ALK: variants seen among roughly 807,000 people sequenced by gnomAD.
The protein encoded by ALK is ALK tyrosine kinase receptor.
In ALK, 74 loss-of-function variants were observed where a neutral mutation model predicts 163.1. That is an observed-to-expected ratio of 0.45 (90% CI 0.38 to 0.55). The LOEUF (loss-of-function observed/expected upper bound fraction) is 0.55, where lower values mean the gene tolerates loss of function less well. Ranked by LOEUF, ALK falls within the 20% of genes least tolerant of loss-of-function variation. The pLI is 0.00. For synonymous variants in ALK, 960 were observed against 843.2 expected (o/e 1.14, Z -2.40); for missense variants, 2,063 against 2,105.3 (o/e 0.98, Z 0.39).
At chr2:29,311,349 G>T (rs1666689816) in intron 8 of ALK, among the ~76,000 whole-genome samples, 1 of 152,168 alleles carries the variant, frequency 6.6e-6, no homozygotes. Flanking sequence ...GAGGGTGGGA[G>T]CTCTTCCTCT....
chr2:29,713,636 A>T lies in ALK; in HGVS notation c.787+3942T>A, dbSNP rs1450480363. On this transcript the variant is annotated intron_variant, in intron 2 of 28. Transcript: ENST00000389048. The stretch of plus-strand genomic sequence containing the variant: ...AATAACTTTGTGATATGATAGAAAG[A>T]GCACACAGAGAGTCAGAAAGTCCAG... Among the ~76,000 whole-genome samples, 3 of 152,300 alleles carry T rather than the reference A, an allele frequency of 2.0e-5. No individual in the cohort carries two copies. The South Asian group carries it at 6.2e-4, about 32-fold the overall frequency.
intron 3 of ALK, among the ~76,000 whole-genome samples, chr2:29,554,655 C>G (rs1673799731): frequency 6.6e-6 from 1 of 152,158 alleles, no homozygotes. Flanking sequence ...TGAATACCTG[C>G]TACTGTCAGA....
At chr2:29,710,661 A>G (rs1679062993) in intron 2 of ALK, among the ~76,000 whole-genome samples, 1 of 152,144 alleles carries the variant, frequency 6.6e-6, no homozygotes, top group African/African-American at 2.4e-5. Flanking sequence ...GGCTACAGGC[A>G]CATGTGCACC....
At chr2:29,629,509 G>A (rs1676295791) in intron 3 of ALK, among the ~76,000 whole-genome samples, 1 of 152,116 alleles carries the variant, frequency 6.6e-6, no homozygotes, top group Non-Finnish European at 1.5e-5. Flanking sequence ...TAGGATTTTT[G>A]AAGCTAAAGT....
chr2:29,416,198 G>A (rs1669872983), intron 4 of ALK, among the ~76,000 whole-genome samples: 3 of 152,108 alleles, frequency 2.0e-5, no homozygotes, highest in South Asian at 2.1e-4. Context: ...ACACAGGCCC[G>A]AAGGCTACAT....
At chr2:29,438,024 T>C (rs912773217) in intron 4 of ALK, among the ~76,000 whole-genome samples, 1 of 150,876 alleles carries the variant, frequency 6.6e-6, no homozygotes, top group African/African-American at 2.4e-5. Context: ...TGCAAATGGT[T>C]GAAGGCTATT....
intron 1 of ALK, among the ~76,000 whole-genome samples, chr2:29,830,070 C>G (rs769834502): frequency 6.6e-6 from 1 of 152,234 alleles, no homozygotes; most frequent in Non-Finnish European, 1.5e-5. Context: ...AGAAGTTTAA[C>G]GTTGACTTGG....
intron 11 of ALK, among the ~76,000 whole-genome samples, chr2:29,260,444 A>G (rs1042320746): frequency 4.6e-5 from 7 of 151,954 alleles, no homozygotes; most frequent in Non-Finnish European, 1.0e-4. Context: ...TCTGTTATGT[A>G]TTTTTATGTG....
chr2:29,505,185 G>C (rs370470218), intron 4 of ALK, among the ~76,000 whole-genome samples: 3 of 152,216 alleles, frequency 2.0e-5, no homozygotes, highest in South Asian at 2.1e-4. Context: ...GCCTGCTCTG[G>C]GTTCTCAGGT....
intron 3 of ALK, among the ~76,000 whole-genome samples, chr2:29,674,853 T>A (rs1296928411): frequency 1.9e-5 from 1 of 52,358 alleles, no homozygotes; most frequent in East Asian, 4.3e-4. Flanking sequence ...CAATTTCAGA[T>A]CCTGTTATTT....
At chr2:29,704,428 G>A (rs1678837231) in intron 2 of ALK, among the ~76,000 whole-genome samples, 1 of 152,194 alleles carries the variant, frequency 6.6e-6, no homozygotes, top group Non-Finnish European at 1.5e-5. Context: ...AGAATGCACA[G>A]TGGCTGGTTG....
intron 3 of ALK, among the ~76,000 whole-genome samples, chr2:29,627,035 T>C (rs1335354003): frequency 2.0e-5 from 3 of 152,030 alleles, no homozygotes; most frequent in Non-Finnish European, 2.9e-5. Context: ...CTGGTTGCAG[T>C]TTCCAAAAGA....
chr2:29,326,712 G>A (rs1241832433), intron 6 of ALK, among the ~76,000 whole-genome samples: 1 of 152,192 alleles, frequency 6.6e-6, no homozygotes, highest in Non-Finnish European at 1.5e-5. Flanking sequence ...TGAAAGTTTT[G>A]TATAGAAATG....
intron 3 of ALK, among the ~76,000 whole-genome samples, chr2:29,665,232 C>G (rs1411394453): frequency 6.6e-6 from 1 of 151,874 alleles, no homozygotes; most frequent in Non-Finnish European, 1.5e-5. Context: ...AGCAATCCAC[C>G]CACCTCAGCC....
rs778407286 is a variant in ALK at position 29,251,091 on chromosome 2, T to C, written c.2204+14A>G. Reference sequence around the variant, plus strand: ...GGGTGGTCTGCCCCTCCCCTCCCCCTCTTCCATACGCACCTGTAGGTGTCG... The same window carrying C: ...GGGTGGTCTGCCCCTCCCCTCCCCCCCTTCCATACGCACCTGTAGGTGTCG... On this transcript the variant is annotated intron_variant, in intron 12 of 28. Transcript: ENST00000389048. 1 of 1,612,890 alleles carries C rather than the reference T, an allele frequency of 6.2e-7. No homozygotes were observed. Among genetic ancestry groups the C allele is most frequent in the Non-Finnish European group, 8.5e-7 (1 of 1,179,464 alleles).
At chr2:29,686,307 G>A (rs563828066) in intron 3 of ALK, among the ~76,000 whole-genome samples, 1 of 152,258 alleles carries the variant, frequency 6.6e-6, no homozygotes, top group South Asian at 2.1e-4. Context: ...GGTTTCTGGA[G>A]GCAATGATCC....
intron 4 of ALK, among the ~76,000 whole-genome samples, chr2:29,478,505 ACTC>A (rs1375774630): frequency 2.0e-5 from 3 of 151,876 alleles, no homozygotes; most frequent in East Asian, 3.9e-4. Flanking sequence ...TCTTTCCACG[ACTC>A]CTCCTTCTTT....
At chr2:29,689,244 A>G (rs1339101892) in intron 3 of ALK, among the ~76,000 whole-genome samples, 10 of 152,218 alleles carry the variant, frequency 6.6e-5, no homozygotes. Context: ...TTATCATTCC[A>G]TAGCCTATCA....
intron 9 of ALK, among the ~76,000 whole-genome samples, chr2:29,289,104 A>C (rs1163319016): frequency 1.3e-5 from 2 of 152,178 alleles, no homozygotes; most frequent in Non-Finnish European, 2.9e-5. Context: ...TTGATAAACT[A>C]AGGTCATTAA....
Sources: gnomAD v4.1 joint callset for allele counts (sites outside exome capture counted in the v4.1 genomes callset) on GRCh38, gnomAD v4.1.1 for gene constraint, MANE v1.5 for transcripts, NCBI Gene and HGNC (gene_info 2026-07-23, HGNC 2026-07-21) for gene names.